The following CDKN3 variants were observed in gnomAD, a reference collection of about 807,000 sequenced individuals.
The protein encoded by CDKN3 is cyclin dependent kinase inhibitor 3, also known as cyclin-dependent kinase inhibitor 3.
Under a neutral mutation model 36.1 loss-of-function variants are expected in CDKN3, and 19 were observed. The ratio of observed to expected loss-of-function variants is 0.53; its 90% confidence interval spans 0.37 to 0.77. The LOEUF is 0.77. Among genes scored for constraint, CDKN3 ranks in the 30% least tolerant of loss-of-function variants. CDKN3 has a pLI of 0.00. For missense variants in CDKN3, 188 were observed against 248.6 expected (o/e 0.76, Z 1.64); for synonymous variants, 71 against 85.3 (o/e 0.83, Z 0.92).
intron 3 of CDKN3, among the ~76,000 whole-genome samples, chr14:54,407,212 T>A (rs1476606169): frequency 2.0e-5 from 3 of 152,224 alleles, no homozygotes; most frequent in Non-Finnish European, 4.4e-5. Context: ...CTCCTTCCTC[T>A]GGAAGTTTCG....
intron 5 of CDKN3, among the ~76,000 whole-genome samples, chr14:54,415,066 G>A (rs996692065): frequency 2.1e-4 from 31 of 151,002 alleles, no homozygotes; most frequent in Non-Finnish European, 3.1e-4. Context: ...ACTAAATTAG[G>A]CTCAGTATAC....
At position 54,416,275 on chromosome 14, in the gene CDKN3, A is replaced by G. The variant is rs549755952; in HGVS notation, c.448+345A>G. Among the ~76,000 whole-genome samples, 42 of 152,276 alleles carry G rather than the reference A, an allele frequency of 2.8e-4. 1 individual carries two copies. Among genetic ancestry groups the G allele is most frequent in the Non-Finnish European group, 4.4e-4 (30 of 68,014 alleles). On this transcript the variant is annotated intron_variant, in intron 6 of 7. Transcript: ENST00000335183. ...TAACTATTTATGAATACCAAAGTTA[A>G]TTACTATATGTTAATTTAAAAAATG...
At chr14:54,411,199 AG>A (rs1159839507) in intron 4 of CDKN3, 2 of 242,160 alleles carry the variant, frequency 8.3e-6, no homozygotes, top group East Asian at 1.1e-4. Flanking sequence ...AAAAAAAAAG[AG>A]GGGGGGTTAT....
chr14:54,414,863 G>A (rs1198991956), intron 5 of CDKN3, among the ~76,000 whole-genome samples: 1 of 151,950 alleles, frequency 6.6e-6, no homozygotes, highest in Non-Finnish European at 1.5e-5. Flanking sequence ...CCTTTATATG[G>A]TAGATCCAGA....
chr14:54,419,317 GT>G (rs957110208), intron 7 of CDKN3, among the ~76,000 whole-genome samples: 3 of 152,162 alleles, frequency 2.0e-5, no homozygotes, highest in African/African-American at 7.2e-5. Flanking sequence ...TACAGACTCA[GT>G]TTATCACCTC....
At chr14:54,417,560 G>C (rs954575648) in intron 6 of CDKN3, among the ~76,000 whole-genome samples, 1 of 152,196 alleles carries the variant, frequency 6.6e-6, no homozygotes, top group Non-Finnish European at 1.5e-5. Flanking sequence ...CTTTAAAATT[G>C]ACTGTGGTGA....
chr14:54,397,125 A>T (rs1434992382), intron 1 of CDKN3, 48 bp downstream of exon 1: 24 of 1,457,562 alleles, frequency 1.6e-5, no homozygotes, highest in Non-Finnish European at 1.8e-5. Flanking sequence ...GCAGGGACGC[A>T]AGCGGTCCCG....
Position 54,411,569 on chromosome 14 carries a change from G to A in CDKN3, c.279G>A (p.Leu93=). 1 of 1,614,050 alleles carries A rather than the reference G, an allele frequency of 6.2e-7. No individual in the cohort carries two copies. Among genetic ancestry groups the A allele is most frequent in the South Asian group, 1.1e-5 (1 of 91,082 alleles). The change falls in exon 5 of 8, where the codon CTG becomes CTA. Residue 93 remains leucine, a synonymous_variant. Coordinates refer to ENST00000335183, the MANE Select transcript of CDKN3 (RefSeq NM_005192.4). ...CAAAATATAGAGTCCCAAACCTTCTGGATCTCTACCAGCAATGTGGAATTA... is the reference window on the plus strand; with the variant it reads ...CAAAATATAGAGTCCCAAACCTTCTAGATCTCTACCAGCAATGTGGAATTA... ...ELSKYRVPNL[L]DLYQQCGIIT...
intron 6 of CDKN3, among the ~76,000 whole-genome samples, chr14:54,417,363 C>G (rs1397259553): frequency 6.6e-6 from 1 of 152,090 alleles, no homozygotes; most frequent in Non-Finnish European, 1.5e-5. Flanking sequence ...ATGTATGAAC[C>G]CTGAACACAT....
chr14:54,413,923 C>T, intron 5 of CDKN3: 3 of 894,318 alleles, frequency 3.4e-6, no homozygotes, highest in Middle Eastern at 4.0e-4. Context: ...GATGTAAGTC[C>T]AAAATTAAGA....
chr14:54,408,919 C>A, intron 4 of CDKN3, 130 bp downstream of exon 4: 1 of 1,243,340 alleles, frequency 8.0e-7, no homozygotes, highest in Non-Finnish European at 1.1e-6. Context: ...TGTGAAGTTC[C>A]AAACTATAGA....
rs191786553 is a variant in CDKN3, at chr14:54,418,486, A to G, written c.552+535A>G. On this transcript the variant is annotated intron_variant, in intron 7 of 7. Transcript: ENST00000335183. ...ACATGTACATTCCCCTAACACTTCAAAACACTGCACTAGCAATGCCAAGGA... is the reference window on the plus strand; with the variant it reads ...ACATGTACATTCCCCTAACACTTCAGAACACTGCACTAGCAATGCCAAGGA... 1.5e-4 allele frequency: 81 copies of G among 546,636 alleles called. 1 individual carries two copies. The highest frequency in any genetic ancestry group is 1.3e-3 in the African/African-American group (69 of 52,462). 33.9% of individuals were successfully genotyped at this position (546,636 alleles called of 1,614,324 possible).
rs4251647 is a variant in CDKN3, at chr14:54,413,804, C to G, written c.417-2095C>G. The G allele has an allele frequency of 0.025, 35,458 of 1,427,296 alleles. 4,277 individuals are homozygous for G. In the African/African-American group the frequency reaches 0.32, roughly 13 times the overall value. The allele number at this position is 1,427,296 out of a possible 1,614,324, so 88.4% of individuals were successfully genotyped here. On this transcript the variant is annotated intron_variant, in intron 5 of 7. Transcript: ENST00000335183. ...TGCAGCCCTTTATAAAATTAGTGAA[C>G]AACACTGCTTGCCTACTGTATTTTG...
intron 1 of CDKN3, among the ~76,000 whole-genome samples, chr14:54,397,962 C>T (rs1886364047): frequency 6.6e-6 from 1 of 152,204 alleles, no homozygotes; most frequent in South Asian, 2.1e-4. Context: ...GAAACCCCGT[C>T]TCTACTAAAA....
intron 5 of CDKN3, among the ~76,000 whole-genome samples, chr14:54,413,362 T>G (rs1052908947): frequency 7.2e-5 from 11 of 152,044 alleles, no homozygotes; most frequent in Non-Finnish European, 1.6e-4. Context: ...GATCTTTTTT[T>G]TTTTTTTCAA....
intron 5 of CDKN3, among the ~76,000 whole-genome samples, chr14:54,414,605 G>T (rs1020250087): frequency 6.6e-6 from 1 of 151,024 alleles, no homozygotes; most frequent in African/African-American, 2.4e-5. Flanking sequence ...GAGTGCAGTG[G>T]CACTGTCATA....
At chr14:54,414,623 G>A (rs1480773888) in intron 5 of CDKN3, among the ~76,000 whole-genome samples, 2 of 148,292 alleles carry the variant, frequency 1.3e-5, no homozygotes, top group South Asian at 2.1e-4. Context: ...ATAGCTCACT[G>A]TAGCCTTGAA....
chr14:54,408,368 T>C (rs2030234548), intron 3 of CDKN3, among the ~76,000 whole-genome samples: 1 of 152,238 alleles, frequency 6.6e-6, no homozygotes, highest in Non-Finnish European at 1.5e-5. Flanking sequence ...GAACACACTT[T>C]GCGAAGCCCT....
At chr14:54,415,186 G>C (rs2030496574) in intron 5 of CDKN3, among the ~76,000 whole-genome samples, 1 of 152,178 alleles carries the variant, frequency 6.6e-6, no homozygotes, top group Admixed American at 6.5e-5. Flanking sequence ...GGAAAATCCA[G>C]TTATACAAAA....
Sources: allele counts gnomAD v4.1 joint callset (sites outside exome capture counted in the v4.1 genomes callset), GRCh38; gene constraint gnomAD v4.1.1; transcripts MANE v1.5; gene names NCBI Gene and HGNC (gene_info 2026-07-23, HGNC 2026-07-21).